The following COL26A1 variants were observed in gnomAD, a reference collection of about 807,000 sequenced individuals.
The protein encoded by COL26A1 is collagen type XXVI alpha 1 chain.
COL26A1 carries 41 observed loss-of-function variants against 59.3 expected under a neutral mutation model. The observed-to-expected ratio is 0.69, with a 90% confidence interval of 0.54 to 0.90. The LOEUF is 0.90. Ranked by LOEUF, COL26A1 falls within the 40% of genes least tolerant of loss-of-function variation. The pLI is 0.00. For missense variants in COL26A1, 612 were observed against 602.3 expected, an observed-to-expected ratio of 1.02 and a Z score of -0.17; for synonymous variants, 266 against 256.0, an observed-to-expected ratio of 1.04 and a Z score of -0.37.
chr7:101,525,672 A>G (rs367834312), intron 3 of COL26A1, among the ~76,000 whole-genome samples: 6 of 149,042 alleles, frequency 4.0e-5, no homozygotes. Context: ...AATTTTTTGT[A>G]TTTTTAGTAG....
upstream of COL26A1, among the ~76,000 whole-genome samples, chr7:101,362,479 A>G (rs1004227146): frequency 6.6e-6 from 1 of 152,194 alleles, no homozygotes; most frequent in Admixed American, 6.5e-5. Context: ...AGCCCTGCAC[A>G]AGGATCGGAA....
In COL26A1 at chr7:101,540,118, C is replaced by T. The variant is rs1476335792; in HGVS notation, c.604+69C>T. 1.3e-5 allele frequency: 19 copies of T among 1,487,698 alleles called. No individual in the cohort carries two copies. The Admixed American group carries it at 1.6e-4, about 12-fold the overall frequency. The allele number at this position is 1,487,698 out of a possible 1,614,324, so 92.2% of individuals were successfully genotyped here. A position where few individuals can be genotyped will look rare whatever the true frequency, so the allele number is the denominator to read the frequency against. On this transcript the variant is annotated intron_variant, in intron 5 of 12. Transcript: ENST00000313669. ...GACCTTGGGCATGGCCTCCCAGGGC[C>T]TCCCTAGAGAGGCCACACACTAGAC... is the stretch of plus-strand genomic sequence containing the variant.
chr7:101,410,685 TGG>T (rs1491480874), intron 1 of COL26A1, among the ~76,000 whole-genome samples: 8 of 90,556 alleles, frequency 8.8e-5, no homozygotes, highest in Admixed American at 2.8e-4. Flanking sequence ...CGGCTAATTT[TGG>T]TGTGTGTGTG....
chr7:101,390,612 A>G (rs923093018), intron 1 of COL26A1, among the ~76,000 whole-genome samples: 1 of 152,036 alleles, frequency 6.6e-6, no homozygotes, highest in African/African-American at 2.4e-5. Context: ...TTTTTGAGAA[A>G]TGGGATCTTG....
chr7:101,466,794 T>TGG (rs1399103882), intron 3 of COL26A1, among the ~76,000 whole-genome samples: 3 of 66,528 alleles, frequency 4.5e-5, no homozygotes, highest in East Asian at 9.3e-4. Flanking sequence ...CGGCATGTTC[T>TGG]GGTGTGTGTG....
chr7:101,420,212 C>A, intron 2 of COL26A1, 113 bp downstream of exon 2: 1 of 1,301,364 alleles, frequency 7.7e-7, no homozygotes, highest in Non-Finnish European at 1.1e-6. Context: ...AAAGGCTGAG[C>A]ATGCATTTAT....
At chr7:101,369,893 G>A (rs565740344) in intron 1 of COL26A1, among the ~76,000 whole-genome samples, 9 of 151,494 alleles carry the variant, frequency 5.9e-5, no homozygotes, top group South Asian at 2.1e-4. Flanking sequence ...ATGGAGTTTC[G>A]CTCTTGTTGC....
intron 1 of COL26A1, among the ~76,000 whole-genome samples, chr7:101,387,304 C>A (rs1791600395): frequency 6.6e-6 from 1 of 151,670 alleles, no homozygotes; most frequent in Non-Finnish European, 1.5e-5. Context: ...GCCCAGCAGG[C>A]TCTGGGTGCT....
chr7:101,451,202 CAAT>C (rs1665172003), intron 3 of COL26A1, among the ~76,000 whole-genome samples: 3 of 140,950 alleles, frequency 2.1e-5, no homozygotes, highest in African/African-American at 5.2e-5. Flanking sequence ...AATATAATCT[CAAT>C]AATATATATA....
intron 2 of COL26A1, among the ~76,000 whole-genome samples, chr7:101,446,420 C>A (rs1398479574): frequency 2.0e-5 from 3 of 152,182 alleles, no homozygotes; most frequent in African/African-American, 7.2e-5. Flanking sequence ...CCTCCAGTTC[C>A]ATCCACGTTT....
intron 1 of COL26A1, among the ~76,000 whole-genome samples, chr7:101,398,448 A>C (rs1184650359): frequency 6.6e-6 from 1 of 152,144 alleles, no homozygotes; most frequent in Non-Finnish European, 1.5e-5. Context: ...TCGGCAACCA[A>C]GTCCTCTTAT....
intron 3 of COL26A1, among the ~76,000 whole-genome samples, chr7:101,455,717 C>G (rs1793454982): frequency 6.6e-6 from 1 of 151,648 alleles, no homozygotes; most frequent in African/African-American, 2.4e-5. Flanking sequence ...GAGCCTAGCT[C>G]TGTCACCCAA....
intron 12 of COL26A1, among the ~76,000 whole-genome samples, chr7:101,556,358 C>A (rs1432959322): frequency 6.6e-6 from 1 of 152,174 alleles, no homozygotes; most frequent in African/African-American, 2.4e-5. Flanking sequence ...GGAGTAGAGG[C>A]CCATCAGCAT....
chr7:101,538,156 C>T (rs552140012), intron 4 of COL26A1, among the ~76,000 whole-genome samples: 2 of 152,296 alleles, frequency 1.3e-5, no homozygotes, highest in South Asian at 2.1e-4. Context: ...TGACAGCCAC[C>T]GTCTTCTTGC....
In COL26A1 at chr7:101,426,884, C is replaced by T. The variant is rs548272776; in HGVS notation, c.281+6785C>T. 6.6e-4 allele frequency among the ~76,000 whole-genome samples: 100 copies of T among 152,284 alleles called. 1 individual carries two copies. Among genetic ancestry groups the T allele is most frequent in the South Asian group, 4.6e-3 (22 of 4,824 alleles). On this transcript the variant is annotated intron_variant, in intron 2 of 12. Coordinates refer to ENST00000313669, the MANE Select transcript of COL26A1 (RefSeq NM_001278563.3). ...CTAGGCATGCCTTGATCTTGCATTC[C>T]GCTCTCTGAGGTTAGGGTGGCAAAC... is the stretch of plus-strand genomic sequence containing the variant.
rs546965455 is a variant in COL26A1, at chr7:101,547,702, G to GTCAT, written c.940+481_940+484dup. On this transcript the variant is annotated intron_variant, in intron 8 of 12. Transcript: ENST00000313669. ...TTGTCCCTTTCTGCCCGGGAAGGGA[G>GTCAT]TCATTCATTCATTCATTCATTTGTT... Among the ~76,000 whole-genome samples the GTCAT allele has an allele frequency of 7.6e-4, 115 of 152,242 alleles. 1 individual carries two copies. The South Asian group carries it at 0.018, about 24-fold the overall frequency.
At chr7:101,443,179 A>AC (rs1689532707) in intron 2 of COL26A1, among the ~76,000 whole-genome samples, 1 of 151,750 alleles carries the variant, frequency 6.6e-6, no homozygotes, top group African/African-American at 2.4e-5. Flanking sequence ...CCTCTTTCCA[A>AC]CCCCCCATCC....
rs566216961 is a variant in COL26A1, at chr7:101,557,438, A to T, written c.1234A>T (p.Arg412Trp). The T allele has an allele frequency of 3.7e-5, 59 of 1,613,586 alleles. No homozygotes were observed. In the South Asian group the frequency reaches 5.3e-4, roughly 14 times the overall value. Reference protein sequence around the residue: ...AALRANLKMKRGGAQPDGVLA... With the variant: ...AALRANLKMKWGGAQPDGVLA... ...CCTGAGAGCCAACCTCAAGATGAAGAGGGGTGGCGCCCAACCCGATGGGGT... is the reference window on the plus strand; with the variant it reads ...CCTGAGAGCCAACCTCAAGATGAAGTGGGGTGGCGCCCAACCCGATGGGGT... The change falls in exon 13 of 13, where the codon AGG becomes TGG. Residue 412 changes from arginine (R) to tryptophan (W), a missense_variant. Arg to Trp is a moderately radical substitution (Grantham distance 101). Transcript: ENST00000313669.
At chr7:101,391,854 C>CTTTCTTTTTTCTTTTCT (rs1791736568) in intron 1 of COL26A1, among the ~76,000 whole-genome samples, 1 of 149,238 alleles carries the variant, frequency 6.7e-6, no homozygotes, top group Non-Finnish European at 1.5e-5. Context: ...CATGCCAAGC[C>CTTTCTTTTTTCTTTTCT]TTTCTTTTCT....
Sources: gnomAD v4.1 joint callset for allele counts (sites outside exome capture counted in the v4.1 genomes callset) on GRCh38, gnomAD v4.1.1 for gene constraint, MANE v1.5 for transcripts, NCBI Gene and HGNC (gene_info 2026-07-23, HGNC 2026-07-21) for gene names.